HEYL: variants seen among roughly 807,000 people sequenced by gnomAD.
HEYL encodes the protein hes related family bHLH transcription factor with YRPW motif like.
In HEYL, 12 loss-of-function variants were observed where a neutral mutation model predicts 18.6. That is an observed-to-expected ratio of 0.65 (90% CI 0.41 to 1.05). HEYL has a LOEUF of 1.05. HEYL is among the 50% of genes least tolerant of loss of function. The probability of loss-of-function intolerance (pLI) is 0.00; values close to 1 mark genes in which losing one functional copy is unlikely to be tolerated. For missense variants in HEYL, 420 were observed against 444.7 expected (o/e 0.94, Z 0.50); for synonymous variants, 159 against 179.6 (o/e 0.89, Z 0.91).
intron 2 of HEYL, 73 bp from the exon 3 acceptor site, chr1:39,631,652 C>T (rs1207023621): frequency 4.0e-5 from 47 of 1,162,150 alleles, no homozygotes; most frequent in Non-Finnish European, 4.9e-5. Flanking sequence ...TGGTCATCAA[C>T]TCATATTTAC....
rs577202844 is a variant in HEYL at position 39,627,749 on chromosome 1, C to T, written c.314-569G>A. On this transcript the variant is annotated intron_variant, in intron 4 of 4. Transcript: ENST00000372852. ...GACAAGTCTCTTTATCTCTCTGTGC[C>T]TCAATTTCCTTAGCTGTAAAATGGG... Among the ~76,000 whole-genome samples, 361 of 152,298 alleles carry T rather than the reference C, an allele frequency of 2.4e-3. 2 individuals carry two copies. Among genetic ancestry groups the T allele is most frequent in the Non-Finnish European group, 4.4e-3 (298 of 68,026 alleles).
chr1:39,626,439 T>C lies in HEYL; in HGVS notation c.*68A>G. On this transcript the variant is annotated 3_prime_UTR_variant, in exon 5 of 5. Coordinates refer to ENST00000372852, the MANE Select transcript of HEYL (RefSeq NM_014571.4). ...CCATGAAGCAAAGCAGAAAAGGCAG[T>C]GCCCTTTTTTGGGCTCCTGGTAAAA... The C allele has an allele frequency of 7.3e-7, 1 of 1,364,770 alleles. No homozygotes were observed. 84.5% of individuals were successfully genotyped at this position (1,364,770 alleles called of 1,614,324 possible). A position where few individuals can be genotyped will look rare whatever the true frequency, so the allele number is the denominator to read the frequency against.
In HEYL at chr1:39,627,058, G is replaced by A. The variant is rs199883985; in HGVS notation, c.436C>T (p.Arg146Trp). ...EGPSSRADPVRIRLLSHLNSY... is the reference protein window; with the variant it reads ...EGPSSRADPVWIRLLSHLNSY... ...TTGAGGTGGGAGAGAAGGCGAATCC[G>A]GACGGGGTCTGCACGGCTGCTGGGC... is the stretch of plus-strand genomic sequence containing the variant. The change falls in exon 5 of 5, where the codon CGG (arginine) becomes TGG (tryptophan). Residue 146 changes from arginine (R) to tryptophan (W), a missense_variant. Coordinates refer to ENST00000372852, the MANE Select transcript of HEYL (RefSeq NM_014571.4). 10 of 1,614,056 alleles carry A rather than the reference G, an allele frequency of 6.2e-6. No homozygotes were observed. The highest frequency in any genetic ancestry group is 2.7e-5 in the African/African-American group (2 of 74,912).
At chr1:39,631,416 A>C in intron 3 of HEYL, 80 bp downstream of exon 3, 1 of 1,179,886 alleles carries the variant, frequency 8.5e-7, no homozygotes, top group Non-Finnish European at 1.3e-6. Context: ...GCTACCAATC[A>C]ACAAGAGATG....
chr1:39,639,627 G>C lies in HEYL; in HGVS notation c.-2C>G. 2 of 1,552,838 alleles carry C rather than the reference G, an allele frequency of 1.3e-6. No homozygotes were observed. Among genetic ancestry groups the C allele is most frequent in the Non-Finnish European group, 8.7e-7 (1 of 1,156,062 alleles). ...GCTCGGCTCCTTGGGTCGCTTCATG[G>C]CGAACGCAGGCTGCCTGGTCTCAGC... On this transcript the variant is annotated 5_prime_UTR_variant, in exon 1 of 5. Coordinates refer to ENST00000372852, the MANE Select transcript of HEYL (RefSeq NM_014571.4).
In HEYL at chr1:39,626,890, G is replaced by C. The variant is rs759795912; in HGVS notation, c.604C>G (p.Pro202Ala). ...GGAGAGGAGACACCGGGGAGGACAG[G>C]GCTGGGCACTCTTCCCAGGATGGCG... ...QLAILGRVPS[P>A]VLPGVSSPAY... Residue 202 changes from proline (P) to alanine (A), a missense_variant, in exon 5 of 5, where the codon CCT becomes GCT. By Grantham distance (27) the Pro-to-Ala change is conservative (BLOSUM62 -1). Transcript: ENST00000372852. 1 of 1,606,658 alleles carries C rather than the reference G, an allele frequency of 6.2e-7. No homozygotes were observed. The highest frequency in any genetic ancestry group is 1.1e-5 in the South Asian group (1 of 90,186).
chr1:39,633,039 AGGGCACTGGCCGGC>A, intron 1 of HEYL: 1 of 964,270 alleles, frequency 1.0e-6, no homozygotes. Flanking sequence ...GGGGCGGGCG[AGGGCACTGGCCGGC>A]GGCGGCGGGG....
At position 39,626,716 on chromosome 1, in the gene HEYL, C is replaced by T; in HGVS notation, c.778G>A (p.Val260Ile). The change falls in exon 5 of 5, where the codon GTC becomes ATC. Residue 260 changes from valine to isoleucine, a missense_variant. Coordinates refer to ENST00000372852, the MANE Select transcript of HEYL (RefSeq NM_014571.4). ...CTGGCAGCCCTGCTGCTGGGGGCGA[C>T]AGGCACAGGGGTCGCTGGCCTCTCT... ...PLERPATPVP[V>I]APSSRAARSS... The T allele has an allele frequency of 1.3e-6, 2 of 1,504,168 alleles. No individual in the cohort carries two copies. The highest frequency in any genetic ancestry group is 1.3e-5 in the South Asian group (1 of 75,894). The allele number at this position is 1,504,168 out of a possible 1,614,324, so 93.2% of individuals were successfully genotyped here. A position where few individuals can be genotyped will look rare whatever the true frequency, so the allele number is the denominator to read the frequency against.
At chr1:39,632,466 G>A (rs1453457093) in intron 2 of HEYL, among the ~76,000 whole-genome samples, 183 bp downstream of exon 2, 1 of 152,354 alleles carries the variant, frequency 6.6e-6, no homozygotes, top group East Asian at 1.9e-4. Context: ...GAGCAAATCA[G>A]GCTCAGAGAG....
intron 1 of HEYL, among the ~76,000 whole-genome samples, chr1:39,635,641 G>GT (rs1346791471): frequency 6.6e-6 from 1 of 152,138 alleles, no homozygotes; most frequent in Admixed American, 6.5e-5. Flanking sequence ...TACAGATGAG[G>GT]TTGCTGAGCT....
intron 3 of HEYL, 122 bp downstream of exon 3, chr1:39,631,374 A>G (rs1404856823): frequency 5.1e-6 from 4 of 785,126 alleles, no homozygotes; most frequent in South Asian, 3.0e-5. Flanking sequence ...AGTGACAGAT[A>G]TTGGTAAATG....
intron 1 of HEYL, among the ~76,000 whole-genome samples, chr1:39,636,803 G>A (rs1184384967): frequency 6.6e-6 from 1 of 152,224 alleles, no homozygotes; most frequent in Non-Finnish European, 1.5e-5. Context: ...ACTCCAGTAA[G>A]TCCAGTCTTC....
intron 1 of HEYL, among the ~76,000 whole-genome samples, chr1:39,636,561 C>T (rs908999075): frequency 3.9e-5 from 6 of 152,192 alleles, no homozygotes; most frequent in Non-Finnish European, 8.8e-5. Flanking sequence ...CCACCGTGCC[C>T]GGCCTCTAGT....
rs1646375912 is a variant in HEYL, at chr1:39,639,422, C to G, written c.80+124G>C. 7.2e-6 allele frequency: 5 copies of G among 690,688 alleles called. No individual in the cohort carries two copies. The Admixed American group carries it at 1.8e-4, about 25-fold the overall frequency. The allele number at this position is 690,688 out of a possible 1,614,324, so 42.8% of individuals were successfully genotyped here. A position where few individuals can be genotyped will look rare whatever the true frequency, so the allele number is the denominator to read the frequency against. ...CCCCCTACGCCGACACCTGTGGCCC[C>G]CGCGCTCACCTGCCTCTGCCCAGGC... On this transcript the variant is annotated intron_variant, in intron 1 of 4. Coordinates refer to ENST00000372852, the MANE Select transcript of HEYL (RefSeq NM_014571.4).
chr1:39,632,268 G>C (rs945155459), intron 2 of HEYL, among the ~76,000 whole-genome samples: 3 of 152,152 alleles, frequency 2.0e-5, no homozygotes, highest in African/African-American at 7.2e-5. Context: ...TCCTTCTTCT[G>C]TCCCCTCCCC....
rs1646290624 is a variant in HEYL, at chr1:39,625,393, C to T, written c.*1114G>A. 2 of 152,214 alleles carry T rather than the reference C, an allele frequency of 1.3e-5. No homozygotes were observed. Among genetic ancestry groups the T allele is most frequent in the Non-Finnish European group, 2.9e-5 (2 of 68,046 alleles). 9.4% of individuals were successfully genotyped at this position (152,214 alleles called of 1,614,324 possible). A position where few individuals can be genotyped will look rare whatever the true frequency, so the allele number is the denominator to read the frequency against. On this transcript the variant is annotated 3_prime_UTR_variant, in exon 5 of 5. Coordinates refer to ENST00000372852, the MANE Select transcript of HEYL (RefSeq NM_014571.4). Reference sequence around the variant, plus strand: ...GCCAGCTCTGTGGAGTCCTGGTGAACAGGATCTCAGGCGCTCGACCCACTG... The same window carrying T: ...GCCAGCTCTGTGGAGTCCTGGTGAATAGGATCTCAGGCGCTCGACCCACTG...
chr1:39,626,368 G>C lies in HEYL; in HGVS notation c.*139C>G. On this transcript the variant is annotated 3_prime_UTR_variant, in exon 5 of 5. Coordinates refer to ENST00000372852, the MANE Select transcript of HEYL (RefSeq NM_014571.4). The stretch of plus-strand genomic sequence containing the variant: ...GAAGGAGAGATGGGTTGGAGGAGGA[G>C]GGGGCCTCTGATGGCTGGAGAACGT... 7.2e-6 allele frequency: 5 copies of C among 698,460 alleles called. No homozygotes were observed. Among genetic ancestry groups the C allele is most frequent in the Non-Finnish European group, 9.2e-6 (4 of 432,442 alleles). 43.3% of individuals were successfully genotyped at this position (698,460 alleles called of 1,614,324 possible).
intron 3 of HEYL, 75 bp from the exon 4 acceptor site, chr1:39,630,383 T>A (rs1646326336): frequency 8.9e-7 from 1 of 1,123,432 alleles, no homozygotes; most frequent in Non-Finnish European, 1.4e-6. Flanking sequence ...GCACTCACTG[T>A]CTCGATTTTC....
rs971612562 is a variant in HEYL, at chr1:39,623,690, G to A, written c.*2817C>T. Among the ~76,000 whole-genome samples the A allele has an allele frequency of 7.2e-5, 11 of 152,228 alleles. No homozygotes were observed. Among genetic ancestry groups the A allele is most frequent in the African/African-American group, 2.4e-5 (1 of 41,456 alleles). ...AGTAGTCGAGGAAGGCCTCTTGGACGAGGCAACGTTGAAGCCAAGGCCTGA... is the reference window on the plus strand; with the variant it reads ...AGTAGTCGAGGAAGGCCTCTTGGACAAGGCAACGTTGAAGCCAAGGCCTGA... On this transcript the variant is annotated 3_prime_UTR_variant, in exon 5 of 5. Coordinates refer to ENST00000372852, the MANE Select transcript of HEYL (RefSeq NM_014571.4).
Sources: allele counts gnomAD v4.1 joint callset (sites outside exome capture counted in the v4.1 genomes callset), GRCh38; gene constraint gnomAD v4.1.1; transcripts MANE v1.5; gene names NCBI Gene and HGNC (gene_info 2026-07-23, HGNC 2026-07-21).